Variants in IL6ST observed in about 807,000 individuals in gnomAD.
IL6ST encodes the protein interleukin 6 cytokine family signal transducer.
Under a neutral mutation model 91.3 loss-of-function variants are expected in IL6ST, and 24 were observed. The observed-to-expected ratio is 0.26, with a 90% CI of 0.19 to 0.37. The LOEUF is 0.37. Ranked by LOEUF, IL6ST falls within the 10% of genes least tolerant of loss-of-function variation. The pLI is 1.00. For missense variants in IL6ST, 914 were observed against 1,078.5 expected, an observed-to-expected ratio of 0.85 and a Z score of 2.14; for synonymous variants, 351 against 373.6, an observed-to-expected ratio of 0.94 and a Z score of 0.70.
chr5:55,979,775 A>C (rs1753535071), intron 2 of IL6ST, among the ~76,000 whole-genome samples: 1 of 152,228 alleles, frequency 6.6e-6, no homozygotes, highest in African/African-American at 2.4e-5. Context: ...TTTGATTCTA[A>C]TGATTCTACT....
At chr5:55,980,230 T>C (rs912971644) in intron 2 of IL6ST, among the ~76,000 whole-genome samples, 1 of 152,180 alleles carries the variant, frequency 6.6e-6, no homozygotes, top group African/African-American at 2.4e-5. Flanking sequence ...TTAGTACTTA[T>C]GCAAAAAATA....
Position 55,941,100 on chromosome 5 carries a change from G to A in IL6ST, c.2739C>T (p.Gly913=), listed in dbSNP as rs530274808. The change falls in exon 17 of 17, where the codon GGC becomes GGT. Residue 913 remains glycine (G), a synonymous_variant. Coordinates refer to ENST00000381298, the MANE Select transcript of IL6ST (RefSeq NM_002184.4). The part of the protein sequence containing the change: ...KSYLPQTVRQ[G]GYMPQ Reference sequence around the variant, plus strand: ...TAGTCCTTCACTGAGGCATGTAGCCGCCTTGCCGTACAGTCTGTGGTAAGT... The same window carrying A: ...TAGTCCTTCACTGAGGCATGTAGCCACCTTGCCGTACAGTCTGTGGTAAGT... 1.3e-5 allele frequency: 21 copies of A among 1,611,820 alleles called. No homozygotes were observed. The highest frequency in any genetic ancestry group is 5.3e-5 in the African/African-American group (4 of 74,990).
chr5:55,936,617 G>A lies in IL6ST; in HGVS notation c.*4465C>T, dbSNP rs1750550712. 5.1e-6 allele frequency: 1 copy of A among 196,794 alleles called. No homozygotes were observed. Among genetic ancestry groups the A allele is most frequent in the African/African-American group, 2.3e-5 (1 of 43,272 alleles). The allele number at this position is 196,794 out of a possible 1,614,324, so 12.2% of individuals were successfully genotyped here. The stretch of plus-strand genomic sequence containing the variant: ...ATAAATGCTGTTACAAATATGCATA[G>A]TCAGATGATAGTAACCACATACAGA... On this transcript the variant is annotated 3_prime_UTR_variant, in exon 17 of 17. Coordinates refer to ENST00000381298, the MANE Select transcript of IL6ST (RefSeq NM_002184.4).
intron 14 of IL6ST, 77 bp downstream of exon 14, chr5:55,951,387 A>T (rs1233212726): frequency 7.2e-6 from 8 of 1,117,588 alleles, no homozygotes; most frequent in Non-Finnish European, 1.1e-5. Context: ...TTTTTAACAC[A>T]ATTTTAGCAC....
rs778569096 is a variant in IL6ST at position 55,964,277 on chromosome 5, C to A, written c.527G>T (p.Arg176Leu). 6.2e-7 allele frequency: 1 copy of A among 1,611,822 alleles called. No individual in the cohort carries two copies. Among genetic ancestry groups the A allele is most frequent in the Non-Finnish European group, 8.5e-7 (1 of 1,178,878 alleles). ...THKFADCKAKRDTPTSCTVDY... is the reference protein window; with the variant it reads ...THKFADCKAKLDTPTSCTVDY... ...AACAGTGCATGAGGTGGGGGTGTCA[C>A]GTTTTGCTTTGCAATCAGCAAACTT... is the stretch of plus-strand genomic sequence containing the variant. Residue 176 changes from arginine (R) to leucine (L), a missense_variant, in exon 6 of 17, where the codon CGT (arginine) becomes CTT (leucine). Arg to Leu is a moderately radical substitution (Grantham distance 102, BLOSUM62 -2). Coordinates refer to ENST00000381298, the MANE Select transcript of IL6ST (RefSeq NM_002184.4).
rs1752444239 is a variant in IL6ST, at chr5:55,963,396, AT to A, written c.768del (p.Lys256AsnfsTer47). The A allele has an allele frequency of 6.2e-7, 1 of 1,604,560 alleles. No homozygotes were observed. The highest frequency in any genetic ancestry group is 1.7e-5 in the Admixed American group (1 of 58,842). On this transcript the variant is annotated frameshift_variant, in exon 7 of 17. Transcript: ENST00000381298. LOFTEE classifies it high-confidence loss of function. ...TCTTTGGTCCTATATTGAATGTTAT[AT>A]TTTAGTATTATAACACTCTTAATAC... ...NPSIKSVIILKYNIQYRTKDA... is the reference protein window; with the variant it reads ...NPSIKSVIILXYNIQYRTKDA...
chr5:55,941,257 C>A lies in IL6ST; in HGVS notation c.2582G>T (p.Gly861Val), dbSNP rs760440573. 4 of 1,614,118 alleles carry A rather than the reference C, an allele frequency of 2.5e-6. No homozygotes were observed. The highest frequency in any genetic ancestry group is 1.7e-4 in the Middle Eastern group (1 of 6,060). Residue 861 changes from glycine to valine, a missense_variant, in exon 17 of 17, where the codon GGA becomes GTA. By Grantham distance (109) the Gly-to-Val change is moderately radical (BLOSUM62 -3). Coordinates refer to ENST00000381298, the MANE Select transcript of IL6ST (RefSeq NM_002184.4). Reference protein sequence around the residue: ...QISDHISQSCGSGQMKMFQEV... With the variant: ...QISDHISQSCVSGQMKMFQEV... ...CTGAAACATTTTCATTTGCCCAGATCCACAGGATTGTGAAATATGATCTGA... is the reference window on the plus strand; with the variant it reads ...CTGAAACATTTTCATTTGCCCAGATACACAGGATTGTGAAATATGATCTGA...
chr5:55,989,257 T>C (rs1754178204), intron 1 of IL6ST, among the ~76,000 whole-genome samples: 1 of 151,044 alleles, frequency 6.6e-6, no homozygotes, highest in Admixed American at 6.6e-5. Flanking sequence ...CACACTCAAG[T>C]GTATATAAGA....
chr5:55,951,677 T>C (rs1481192503), intron 13 of IL6ST, 73 bp from the exon 14 acceptor site: 1 of 1,415,032 alleles, frequency 7.1e-7, no homozygotes, highest in Non-Finnish European at 9.6e-7. Flanking sequence ...TTTGGCATTG[T>C]GAAAGTGTTA....
At position 55,952,000 on chromosome 5, in the gene IL6ST, G is replaced by A; in HGVS notation, c.1628C>T (p.Pro543Leu). ...NEAVLEWDQL[P>L]VDVQNGFIRN... ...GATAAATCCATTCTGAACATCAACA[G>A]GAAGTTGGTCCCACTCTAAGACAGC... Residue 543 changes from proline (P) to leucine (L), a missense_variant, in exon 13 of 17, where the codon CCT becomes CTT. Coordinates refer to ENST00000381298, the MANE Select transcript of IL6ST (RefSeq NM_002184.4). 1 of 1,591,588 alleles carries A rather than the reference G, an allele frequency of 6.3e-7. No homozygotes were observed. Among genetic ancestry groups the A allele is most frequent in the Non-Finnish European group, 8.6e-7 (1 of 1,159,802 alleles).
rs1750601631 is a variant in IL6ST, at chr5:55,937,355, AATGCAATGTATATGAGAATATC to A, written c.*3705_*3726del. On this transcript the variant is annotated 3_prime_UTR_variant, in exon 17 of 17. Coordinates refer to ENST00000381298, the MANE Select transcript of IL6ST (RefSeq NM_002184.4). ...CCTGAGCTGCCACCTTTTAATTTTTAATGCAATGTATATGAGAATATCATGCTAATGCACATACTAGTAGCAT... is the reference window on the plus strand; with the variant it reads ...CCTGAGCTGCCACCTTTTAATTTTTAATGCTAATGCACATACTAGTAGCAT... The A allele has an allele frequency of 4.7e-6, 1 of 212,436 alleles. No individual in the cohort carries two copies. The highest frequency in any genetic ancestry group is 9.5e-6 in the Non-Finnish European group (1 of 104,994). The allele number at this position is 212,436 out of a possible 1,614,324, so 13.2% of individuals were successfully genotyped here. A position where few individuals can be genotyped will look rare whatever the true frequency, so the allele number is the denominator to read the frequency against.
intron 15 of IL6ST, among the ~76,000 whole-genome samples, chr5:55,944,250 A>G (rs1163779903): frequency 6.6e-6 from 1 of 152,236 alleles, no homozygotes; most frequent in African/African-American, 2.4e-5. Context: ...GACAATAAAA[A>G]GAACTAAAAG....
chr5:55,951,384 C>T, intron 14 of IL6ST, 80 bp downstream of exon 14: 1 of 1,081,406 alleles, frequency 9.2e-7, no homozygotes, highest in Middle Eastern at 2.0e-4. Context: ...TACTTTTTAA[C>T]ACAATTTTAG....
intron 5 of IL6ST, among the ~76,000 whole-genome samples, chr5:55,967,241 C>T (rs536140546): frequency 1.0e-4 from 13 of 127,232 alleles, no homozygotes; most frequent in South Asian, 8.0e-4. Flanking sequence ...ACCTGGGAAG[C>T]GGAGGTTGCA....
At chr5:55,955,376 G>T (rs1751891240) in intron 10 of IL6ST, among the ~76,000 whole-genome samples, 1 of 152,148 alleles carries the variant, frequency 6.6e-6, no homozygotes, top group Middle Eastern at 3.2e-3. Flanking sequence ...AGAATCGCTT[G>T]AAGCCAGGAG....
intron 5 of IL6ST, among the ~76,000 whole-genome samples, chr5:55,966,281 A>C (rs1393732310): frequency 6.6e-6 from 1 of 152,260 alleles, no homozygotes; most frequent in Non-Finnish European, 1.5e-5. Flanking sequence ...TCCCATTTAT[A>C]TGAGACATTC....
Position 55,940,789 on chromosome 5 carries a change from G to C in IL6ST, c.*293C>G. 2 of 349,882 alleles carry C rather than the reference G, an allele frequency of 5.7e-6. No individual in the cohort carries two copies. Among genetic ancestry groups the C allele is most frequent in the East Asian group, 9.0e-5 (2 of 22,190 alleles). 21.7% of individuals were successfully genotyped at this position (349,882 alleles called of 1,614,324 possible). ...TGTTTTCTATGTAGCAAAACAAAAAGTTTTATAAATTTCAGATAAGCTTTC... is the reference window on the plus strand; with the variant it reads ...TGTTTTCTATGTAGCAAAACAAAAACTTTTATAAATTTCAGATAAGCTTTC... On this transcript the variant is annotated 3_prime_UTR_variant, in exon 17 of 17. Coordinates refer to ENST00000381298, the MANE Select transcript of IL6ST (RefSeq NM_002184.4).
At chr5:55,991,132 T>C (rs979644562) in intron 1 of IL6ST, among the ~76,000 whole-genome samples, 5 of 152,336 alleles carry the variant, frequency 3.3e-5, no homozygotes, top group African/African-American at 9.6e-5. Flanking sequence ...CTTAATCCAG[T>C]CTATCATTGA....
At chr5:55,982,097 G>C (rs889257277) in intron 2 of IL6ST, among the ~76,000 whole-genome samples, 1 of 152,066 alleles carries the variant, frequency 6.6e-6, no homozygotes, top group African/African-American at 2.4e-5. Context: ...ATTTCCATAT[G>C]TTTTCTCAAG....
Sources: allele counts gnomAD v4.1 joint callset (sites outside exome capture counted in the v4.1 genomes callset), GRCh38; gene constraint gnomAD v4.1.1; transcripts MANE v1.5; gene names NCBI Gene and HGNC (gene_info 2026-07-23, HGNC 2026-07-21).